The following UBE2E2 variants were observed in gnomAD, a reference collection of about 807,000 sequenced individuals.
UBE2E2 encodes ubiquitin-conjugating enzyme E2 E2.
A neutral mutation model predicts 24.7 loss-of-function variants in UBE2E2; 6 were observed. That is an observed-to-expected ratio of 0.24 (90% CI 0.13 to 0.48). The LOEUF is 0.48. UBE2E2 is among the 20% of genes least tolerant of loss of function. The pLI is 0.99. For synonymous variants in UBE2E2, 104 were observed against 83.6 expected, an observed-to-expected ratio of 1.24 and a Z score of -1.33; for missense variants, 169 against 245.0, an observed-to-expected ratio of 0.69 and a Z score of 2.07.
At chr3:23,231,456 C>G (rs1411486113) in intron 3 of UBE2E2, among the ~76,000 whole-genome samples, 1 of 152,112 alleles carries the variant, frequency 6.6e-6, no homozygotes, top group African/African-American at 2.4e-5. Context: ...ACTCAGGACG[C>G]TTTTAAAATT....
At chr3:23,293,423 C>T (rs1698824264) in intron 3 of UBE2E2, among the ~76,000 whole-genome samples, 1 of 152,112 alleles carries the variant, frequency 6.6e-6, no homozygotes, top group Non-Finnish European at 1.5e-5. Flanking sequence ...ATCTCAAATG[C>T]ATAATATTGT....
Position 23,556,501 on chromosome 3 carries a change from A to G in UBE2E2, c.508+23800A>G, listed in dbSNP as rs192740738. Among the ~76,000 whole-genome samples the G allele has an allele frequency of 6.7e-5, 10 of 149,430 alleles. No individual in the cohort carries two copies. In the East Asian group the frequency reaches 2.0e-3, roughly 30 times the overall value. ...ATACTGAACAAGATAGGGCCACCTC[A>G]AAAGTAAACGTGAAAAGAAAGATTA... On this transcript the variant is annotated intron_variant, in intron 5 of 5. Transcript: ENST00000396703.
intron 5 of UBE2E2, among the ~76,000 whole-genome samples, chr3:23,551,488 C>T (rs987091409): frequency 6.6e-6 from 1 of 152,182 alleles, no homozygotes; most frequent in Admixed American, 6.5e-5. Context: ...TTCAAACTTG[C>T]TAGTAACTTG....
In UBE2E2 at chr3:23,440,503, C is replaced by T. The variant is rs1037605846; in HGVS notation, c.228-59105C>T. The stretch of plus-strand genomic sequence containing the variant: ...TTACACTTCAAAATCTGTAAACGGA[C>T]CCACGTTCATACGCGTGAACAGAAA... On this transcript the variant is annotated intron_variant, in intron 3 of 5. Transcript: ENST00000396703. Among the ~76,000 whole-genome samples the T allele has an allele frequency of 1.2e-4, 18 of 152,156 alleles. No individual in the cohort carries two copies. The East Asian group carries it at 3.3e-3, about 28-fold the overall frequency.
chr3:23,297,946 A>C (rs1174687493), intron 3 of UBE2E2, among the ~76,000 whole-genome samples: 1 of 151,548 alleles, frequency 6.6e-6, no homozygotes, highest in Non-Finnish European at 1.5e-5. Context: ...ATTTCTTTGT[A>C]TCCTCTTTTA....
chr3:23,211,468 A>T (rs1199064973), intron 2 of UBE2E2, among the ~76,000 whole-genome samples: 1 of 143,754 alleles, frequency 7.0e-6, no homozygotes, highest in Non-Finnish European at 1.5e-5. Context: ...GTGCAGTGGT[A>T]TGATCTCCAA....
chr3:23,544,275 A>G (rs1213700784), intron 5 of UBE2E2, among the ~76,000 whole-genome samples: 1 of 152,216 alleles, frequency 6.6e-6, no homozygotes, highest in East Asian at 1.9e-4. Context: ...CAGACAACCC[A>G]CAGAATGGGA....
intron 3 of UBE2E2, among the ~76,000 whole-genome samples, chr3:23,234,655 G>A (rs929628227): frequency 6.6e-6 from 1 of 152,136 alleles, no homozygotes; most frequent in Admixed American, 6.6e-5. Flanking sequence ...GGAGGCTTGG[G>A]AAGGAGGTAG....
intron 3 of UBE2E2, among the ~76,000 whole-genome samples, chr3:23,366,440 T>C (rs915143386): frequency 2.6e-5 from 4 of 152,194 alleles, no homozygotes; most frequent in African/African-American, 4.8e-5. Flanking sequence ...GATAATGCAG[T>C]ATGGATATAC....
At chr3:23,321,535 TC>T (rs745987724) in intron 3 of UBE2E2, among the ~76,000 whole-genome samples, 15 of 151,198 alleles carry the variant, frequency 9.9e-5, no homozygotes, top group Non-Finnish European at 1.9e-4. Context: ...AGCTGCTAAA[TC>T]TCCTAGGAAT....
chr3:23,340,873 T>C (rs911402029), intron 3 of UBE2E2, among the ~76,000 whole-genome samples: 1 of 152,182 alleles, frequency 6.6e-6, no homozygotes, highest in African/African-American at 2.4e-5. Flanking sequence ...TCAAGCAATA[T>C]ACTTTCATCC....
chr3:23,430,233 T>G (rs1218598172), intron 3 of UBE2E2, among the ~76,000 whole-genome samples: 1 of 152,214 alleles, frequency 6.6e-6, no homozygotes, highest in East Asian at 1.9e-4. Flanking sequence ...CGCAGCTTAT[T>G]CTATAATCGA....
intron 3 of UBE2E2, among the ~76,000 whole-genome samples, chr3:23,390,699 G>A (rs1279428761): frequency 6.6e-6 from 1 of 152,164 alleles, no homozygotes; most frequent in Non-Finnish European, 1.5e-5. Flanking sequence ...GAGCCCAAAA[G>A]CACTTCTGCA....
At chr3:23,386,557 A>G (rs557965922) in intron 3 of UBE2E2, among the ~76,000 whole-genome samples, 2 of 152,334 alleles carry the variant, frequency 1.3e-5, no homozygotes, top group Non-Finnish European at 2.9e-5. Flanking sequence ...TGTTTGTCTA[A>G]TTGGTATTAC....
intron 3 of UBE2E2, among the ~76,000 whole-genome samples, chr3:23,359,793 A>G (rs1559361061): frequency 6.6e-6 from 1 of 152,196 alleles, no homozygotes; most frequent in Non-Finnish European, 1.5e-5. Flanking sequence ...TTGGAATTCC[A>G]GTGTACTCAG....
intron 3 of UBE2E2, among the ~76,000 whole-genome samples, chr3:23,490,527 G>A (rs983798091): frequency 6.6e-6 from 1 of 152,062 alleles, no homozygotes; most frequent in African/African-American, 2.4e-5. Flanking sequence ...AAGTCTGTTG[G>A]CATAGTTGTG....
At chr3:23,535,779 G>A (rs1695248941) in intron 5 of UBE2E2, among the ~76,000 whole-genome samples, 1 of 151,794 alleles carries the variant, frequency 6.6e-6, no homozygotes, top group Admixed American at 6.6e-5. Flanking sequence ...CCACCACCAT[G>A]CCTGGCTAAT....
At chr3:23,289,507 T>G (rs533835105) in intron 3 of UBE2E2, among the ~76,000 whole-genome samples, 1 of 152,300 alleles carries the variant, frequency 6.6e-6, no homozygotes, top group Non-Finnish European at 1.5e-5. Flanking sequence ...GATACAATTT[T>G]TCAAATGTGA....
chr3:23,556,454 T>TTAAAAAAAAAA lies in UBE2E2; in HGVS notation c.508+23753_508+23754insTAAAAAAAAAA, dbSNP rs1553620573. 9.3e-3 allele frequency among the ~76,000 whole-genome samples: 875 copies of TTAAAAAAAAAA among 94,020 alleles called. 15 individuals are homozygous for TTAAAAAAAAAA. The highest frequency in any genetic ancestry group is 0.013 in the Non-Finnish European group (601 of 47,788). 61.7% of individuals were successfully genotyped at this position (94,020 alleles called of 152,430 possible). The stretch of plus-strand genomic sequence containing the variant: ...CCATGCCCAGCCAATAAAATTTATT[T>TTAAAAAAAAAA]AAAAAAAAAAAAAAAAAAGCTATAC... On this transcript the variant is annotated intron_variant, in intron 5 of 5. Coordinates refer to ENST00000396703, the MANE Select transcript of UBE2E2 (RefSeq NM_152653.4).
Sources: gnomAD v4.1 joint callset for allele counts (sites outside exome capture counted in the v4.1 genomes callset) on GRCh38, gnomAD v4.1.1 for gene constraint, MANE v1.5 for transcripts, NCBI Gene and HGNC (gene_info 2026-07-23, HGNC 2026-07-21) for gene names.